Variants in SPATA6 observed in about 807,000 individuals in gnomAD.
The protein encoded by SPATA6 is spermatogenesis-associated protein 6.
Under a neutral mutation model 65.3 loss-of-function variants are expected in SPATA6, and 56 were observed. That is an observed-to-expected ratio of 0.86 (90% CI 0.69 to 1.07). The LOEUF (loss-of-function observed/expected upper bound fraction) is 1.07, where lower values mean the gene tolerates loss of function less well. Among genes scored for constraint, SPATA6 ranks in the 50% least tolerant of loss-of-function variants. The pLI is 0.00. For synonymous variants in SPATA6, 199 were observed against 213.2 expected, an observed-to-expected ratio of 0.93 and a Z score of 0.58; for missense variants, 590 against 594.8, an observed-to-expected ratio of 0.99 and a Z score of 0.08.
At chr1:48,328,361 A>G (rs905822765) in intron 11 of SPATA6, among the ~76,000 whole-genome samples, 3 of 152,152 alleles carry the variant, frequency 2.0e-5, no homozygotes, top group African/African-American at 7.2e-5. Flanking sequence ...TAAATGATCC[A>G]TCCATCAACT....
At chr1:48,403,752 T>C in intron 6 of SPATA6, 50 bp downstream of exon 6, 2 of 1,458,992 alleles carry the variant, frequency 1.4e-6, no homozygotes, top group Non-Finnish European at 1.9e-6. Flanking sequence ...AGGCCACAAA[T>C]ATGACCAAAT....
chr1:48,461,922 T>C (rs563322404), intron 1 of SPATA6, among the ~76,000 whole-genome samples: 1 of 152,306 alleles, frequency 6.6e-6, no homozygotes, highest in African/African-American at 2.4e-5. Context: ...CTATTCACAA[T>C]AGCACAGACT....
chr1:48,441,554 G>A (rs527396587), intron 3 of SPATA6, among the ~76,000 whole-genome samples: 1 of 152,260 alleles, frequency 6.6e-6, no homozygotes, highest in Admixed American at 6.5e-5. Flanking sequence ...CCTGCTTGAG[G>A]AGGGAATCAA....
chr1:48,332,784 C>T (rs963360690), intron 11 of SPATA6, among the ~76,000 whole-genome samples: 7 of 152,114 alleles, frequency 4.6e-5, no homozygotes, highest in Admixed American at 6.5e-5. Context: ...TTCTTTTCAT[C>T]GCCACATGGT....
At chr1:48,316,625 A>G (rs1645431017) in intron 11 of SPATA6, among the ~76,000 whole-genome samples, 1 of 152,198 alleles carries the variant, frequency 6.6e-6, no homozygotes, top group Non-Finnish European at 1.5e-5. Flanking sequence ...GGCATGAGCA[A>G]GGACTTCATG....
At chr1:48,366,001 G>A (rs1010558929) in intron 9 of SPATA6, among the ~76,000 whole-genome samples, 2 of 152,192 alleles carry the variant, frequency 1.3e-5, no homozygotes, top group Admixed American at 6.5e-5. Flanking sequence ...TTTTTAGCAT[G>A]AAGCGTTGTT....
intron 11 of SPATA6, among the ~76,000 whole-genome samples, chr1:48,351,391 C>A (rs1307639736): frequency 6.6e-6 from 1 of 151,914 alleles, no homozygotes; most frequent in Non-Finnish European, 1.5e-5. Context: ...TGCTTTGTTT[C>A]CGAACTTTGA....
At chr1:48,424,026 A>T (rs1653608379) in intron 3 of SPATA6, among the ~76,000 whole-genome samples, 1 of 152,154 alleles carries the variant, frequency 6.6e-6, no homozygotes, top group Non-Finnish European at 1.5e-5. Flanking sequence ...TCTTTATTTT[A>T]AAATATACAA....
At chr1:48,331,810 A>G (rs1318441336) in intron 11 of SPATA6, among the ~76,000 whole-genome samples, 2 of 152,232 alleles carry the variant, frequency 1.3e-5, no homozygotes, top group African/African-American at 4.8e-5. Context: ...AAAATGATAA[A>G]GGCAGCTAGA....
chr1:48,458,937 G>A (rs973444436), intron 1 of SPATA6, among the ~76,000 whole-genome samples: 15 of 152,088 alleles, frequency 9.9e-5, no homozygotes, highest in African/African-American at 3.6e-4. Flanking sequence ...CAGGCCTGGT[G>A]GCTCACACCT....
intron 11 of SPATA6, among the ~76,000 whole-genome samples, chr1:48,354,486 C>T (rs534750534): frequency 1.3e-5 from 2 of 151,916 alleles, no homozygotes; most frequent in African/African-American, 2.4e-5. Context: ...CAAATGCGCA[C>T]CAATGGAGGA....
chr1:48,290,912 C>A (rs548471793), downstream of SPATA6, among the ~76,000 whole-genome samples: 1 of 151,960 alleles, frequency 6.6e-6, no homozygotes, highest in Non-Finnish European at 1.5e-5. Context: ...ACTTTAACAC[C>A]CCACTGTCAA....
chr1:48,470,437 C>A (rs1224888932), intron 1 of SPATA6, among the ~76,000 whole-genome samples: 1 of 152,156 alleles, frequency 6.6e-6, no homozygotes, highest in Non-Finnish European at 1.5e-5. Flanking sequence ...TCTTGCTAAA[C>A]TAATTTTACT....
At chr1:48,309,522 T>G (rs921340023) in intron 11 of SPATA6, among the ~76,000 whole-genome samples, 1 of 152,228 alleles carries the variant, frequency 6.6e-6, no homozygotes, top group Non-Finnish European at 1.5e-5. Context: ...AATTTTATAT[T>G]TTATGAGACA....
chr1:48,307,579 T>A (rs573278671), intron 11 of SPATA6, among the ~76,000 whole-genome samples: 3 of 151,350 alleles, frequency 2.0e-5, no homozygotes, highest in African/African-American at 7.2e-5. Context: ...TTGTTGCACA[T>A]CTTGTAATTT....
At chr1:48,420,824 A>G (rs1238607920) in intron 3 of SPATA6, among the ~76,000 whole-genome samples, 1 of 152,204 alleles carries the variant, frequency 6.6e-6, no homozygotes, top group Non-Finnish European at 1.5e-5. Flanking sequence ...AGATGTAGAA[A>G]GAAAGTTTCA....
At chr1:48,306,875 A>T (rs1403696022) in intron 11 of SPATA6, among the ~76,000 whole-genome samples, 1 of 151,946 alleles carries the variant, frequency 6.6e-6, no homozygotes, top group Non-Finnish European at 1.5e-5. Flanking sequence ...CGGTTTTATC[A>T]TTATGAAGTA....
At chr1:48,438,575 C>T (rs1655163583) in intron 3 of SPATA6, among the ~76,000 whole-genome samples, 1 of 152,124 alleles carries the variant, frequency 6.6e-6, no homozygotes, top group Non-Finnish European at 1.5e-5. Flanking sequence ...AGGGTCCTGA[C>T]AAAAAGTTGG....
At chr1:48,363,545 C>CAAATTA (rs1305071920) in intron 9 of SPATA6, among the ~76,000 whole-genome samples, 1 of 151,962 alleles carries the variant, frequency 6.6e-6, no homozygotes, top group African/African-American at 2.4e-5. Context: ...GAGAGCTTGG[C>CAAATTA]TCATAAAGAT....
Sources: allele counts gnomAD v4.1 joint callset (sites outside exome capture counted in the v4.1 genomes callset), GRCh38; gene constraint gnomAD v4.1.1; transcripts MANE v1.5; gene names NCBI Gene and HGNC (gene_info 2026-07-23, HGNC 2026-07-21).